The following NFAT5 variants were observed in gnomAD, a reference collection of about 807,000 sequenced individuals.
NFAT5 encodes nuclear factor of activated T cells 5, also known as nuclear factor of activated T-cells 5.
A neutral mutation model predicts 166.5 loss-of-function variants in NFAT5; 31 were observed. That is an observed-to-expected ratio of 0.19 (90% CI 0.14 to 0.25). NFAT5 has a LOEUF of 0.25. NFAT5 is among the 10% of genes least tolerant of loss of function. The probability of loss-of-function intolerance (pLI) is 1.00; values close to 1 mark genes in which losing one functional copy is unlikely to be tolerated. For synonymous variants in NFAT5, 612 were observed against 639.7 expected (o/e 0.96, Z 0.65); for missense variants, 1,449 against 1,821.8 (o/e 0.80, Z 3.72).
At chr16:69,669,318 C>G (rs1034609226) in intron 7 of NFAT5, among the ~76,000 whole-genome samples, 1 of 152,080 alleles carries the variant, frequency 6.6e-6, no homozygotes, top group African/African-American at 2.4e-5. Context: ...TTTTGGGAGG[C>G]CAAGGTGGGT....
intron 10 of NFAT5, among the ~76,000 whole-genome samples, chr16:69,681,501 C>T (rs1567602910): frequency 1.3e-5 from 2 of 152,182 alleles, no homozygotes; most frequent in South Asian, 4.1e-4. Flanking sequence ...GCATCCCTGC[C>T]TGCCACCCTT....
chr16:69,603,623 G>A (rs146835378), intron 2 of NFAT5, among the ~76,000 whole-genome samples: 259 of 152,206 alleles, frequency 1.7e-3, no homozygotes, highest in Non-Finnish European at 2.7e-3. Flanking sequence ...ATGGTGATGT[G>A]TACCTATGAT....
intron 4 of NFAT5, chr16:69,649,674 A>G (rs2151626228): frequency 2.0e-6 from 1 of 501,658 alleles, no homozygotes; most frequent in South Asian, 8.5e-5. Flanking sequence ...ACCTAAATAT[A>G]TAGAAAAATC....
At chr16:69,576,117 A>G (rs369174385) in intron 2 of NFAT5, among the ~76,000 whole-genome samples, 3 of 151,886 alleles carry the variant, frequency 2.0e-5, no homozygotes, top group Non-Finnish European at 2.9e-5. Context: ...CCTGGCCAAC[A>G]TGGTGAAACC....
At chr16:69,670,633 T>C (rs1597512928) in intron 9 of NFAT5, among the ~76,000 whole-genome samples, 2 of 152,258 alleles carry the variant, frequency 1.3e-5, no homozygotes, top group Admixed American at 1.3e-4. Flanking sequence ...GAATCTGTTA[T>C]GTTTCAGGTA....
rs200844772 is a variant in NFAT5 at position 69,647,115 on chromosome 16, C to T, written c.341C>T (p.Ser114Leu). The T allele has an allele frequency of 2.5e-6, 4 of 1,613,748 alleles. No individual in the cohort carries two copies. The highest frequency in any genetic ancestry group is 3.4e-6 in the Non-Finnish European group (4 of 1,179,788). Residue 114 changes from serine to leucine, a missense_variant, in exon 4 of 15, where the codon TCA becomes TTA. By Grantham distance (145) the Ser-to-Leu change is moderately radical. This residue lies in a region of NFAT5 where 172 missense variants were observed against 194.5 expected (regional missense o/e 0.88). Transcript: ENST00000349945. The surrounding 1 kb of genome is among the most constrained non-coding windows in gnomAD (Gnocchi z 4.8). ...TCCAGCCCTACCATTTATTCTACCT[C>T]AGTCACCGACAGCAAGGCTATGCAA... ...TSSSPTIYST[S>L]VTDSKAMQVE...
chr16:69,615,016 A>G lies in NFAT5; in HGVS notation c.128-11387A>G, dbSNP rs1049453676. 3.3e-5 allele frequency among the ~76,000 whole-genome samples: 5 copies of G among 149,634 alleles called. No homozygotes were observed. The East Asian group carries it at 5.9e-4, about 18-fold the overall frequency. Reference sequence around the variant, plus strand: ...CTCAGCCTCCTGAGCAGCTAGGGCTATAGGCACCCACCACCACTCCCAGCT... The same window carrying G: ...CTCAGCCTCCTGAGCAGCTAGGGCTGTAGGCACCCACCACCACTCCCAGCT... On this transcript the variant is annotated intron_variant, in intron 2 of 14. Coordinates refer to ENST00000349945, the MANE Select transcript of NFAT5 (RefSeq NM_138713.4).
chr16:69,621,258 A>G (rs1403107532), intron 2 of NFAT5, among the ~76,000 whole-genome samples: 1 of 152,134 alleles, frequency 6.6e-6, no homozygotes, highest in African/African-American at 2.4e-5. Context: ...TCCTTTAAAA[A>G]AAAAAAAACA....
At chr16:69,601,508 T>C (rs2033132894) in intron 2 of NFAT5, among the ~76,000 whole-genome samples, 1 of 152,094 alleles carries the variant, frequency 6.6e-6, no homozygotes, top group Non-Finnish European at 1.5e-5. Flanking sequence ...GCTAGGACTA[T>C]AGGTGTGCAC....
intron 2 of NFAT5, among the ~76,000 whole-genome samples, chr16:69,584,982 CAG>C (rs990307450): frequency 1.3e-5 from 2 of 151,798 alleles, no homozygotes; most frequent in African/African-American, 4.8e-5. Flanking sequence ...GCTGTCAAAA[CAG>C]AGTAGAATTT....
At chr16:69,568,678 C>A in intron 2 of NFAT5, 130 bp downstream of exon 2, 1 of 603,598 alleles carries the variant, frequency 1.7e-6, no homozygotes, top group Non-Finnish European at 2.7e-6. Context: ...GAGTCTGATC[C>A]TTCTTTTAGA....
rs115158502 is a variant in NFAT5, at chr16:69,606,156, G to A, written c.128-20247G>A. Among the ~76,000 whole-genome samples the A allele has an allele frequency of 8.7e-3, 1,329 of 152,216 alleles. 19 individuals carry two copies. The highest frequency in any genetic ancestry group is 0.031 in the African/African-American group (1,273 of 41,530). ...AAGGGCTATATGATCAAGAAAGTTG[G>A]GACCACTCACTGTTCTCGTCTTTAA... On this transcript the variant is annotated intron_variant, in intron 2 of 14. Transcript: ENST00000349945.
intron 2 of NFAT5, among the ~76,000 whole-genome samples, chr16:69,597,136 T>C (rs763433860): frequency 5.3e-4 from 80 of 151,964 alleles, no homozygotes; most frequent in Non-Finnish European, 2.2e-4. Context: ...AATGAGAGCT[T>C]GGTGTATTGA....
chr16:69,656,282 C>CAAAAAAAAAA (rs1230748739), intron 6 of NFAT5, among the ~76,000 whole-genome samples: 1 of 58,862 alleles, frequency 1.7e-5, no homozygotes. Context: ...CTCTGTCTCA[C>CAAAAAAAAAA]AAAAAAAAAA....
At chr16:69,637,367 C>T (rs935246628) in intron 3 of NFAT5, among the ~76,000 whole-genome samples, 1 of 152,196 alleles carries the variant, frequency 6.6e-6, no homozygotes, top group Non-Finnish European at 1.5e-5. Flanking sequence ...GTCACTTCTA[C>T]ATTTTCTGGT....
At chr16:69,594,216 A>G (rs1437969186) in intron 2 of NFAT5, among the ~76,000 whole-genome samples, 2 of 152,232 alleles carry the variant, frequency 1.3e-5, no homozygotes, top group Non-Finnish European at 1.5e-5. Context: ...TATGTGGTAT[A>G]GCCTGCTACA....
intron 4 of NFAT5, among the ~76,000 whole-genome samples, chr16:69,650,773 A>G (rs950528183): frequency 1.3e-5 from 2 of 152,216 alleles, no homozygotes; most frequent in African/African-American, 2.4e-5. Context: ...TAAATCTGCT[A>G]TTATCATTTT....
intron 6 of NFAT5, 32 bp downstream of exon 6, chr16:69,655,831 A>G (rs538035576): frequency 1.0e-5 from 16 of 1,558,858 alleles, no homozygotes; most frequent in East Asian, 2.3e-5. Context: ...TTCATTATAC[A>G]TTACACTCTT....
rs148859222 is a variant in NFAT5 at position 69,703,587 on chromosome 16, C to T, written c.*7236C>T. 0.013 allele frequency: 2,019 copies of T among 152,648 alleles called. 144 individuals are homozygous for T. The highest frequency in any genetic ancestry group is 0.12 in the Admixed American group (1,868 of 15,254). The allele number at this position is 152,648 out of a possible 1,614,324, so 9.5% of individuals were successfully genotyped here. A position where few individuals can be genotyped will look rare whatever the true frequency, so the allele number is the denominator to read the frequency against. ...ACTCGTGAAAGAAAAATTCACATAT[C>T]AGAATAAAAATAAATGTATACTCAC... On this transcript the variant is annotated 3_prime_UTR_variant, in exon 15 of 15. Coordinates refer to ENST00000349945, the MANE Select transcript of NFAT5 (RefSeq NM_138713.4).
Sources: allele counts gnomAD v4.1 joint callset (sites outside exome capture counted in the v4.1 genomes callset), GRCh38; gene constraint gnomAD v4.1.1; regional missense constraint gnomAD v4.1.1; non-coding constraint Gnocchi (gnomAD v3.1); transcripts MANE v1.5; gene names NCBI Gene and HGNC (gene_info 2026-07-23, HGNC 2026-07-21).